KCND2: variants seen among roughly 807,000 people sequenced by gnomAD.
KCND2 encodes the protein A-type voltage-gated potassium channel KCND2.
In KCND2, 16 loss-of-function variants were observed where a neutral mutation model predicts 54.4. The observed-to-expected ratio is 0.29, with a 90% confidence interval of 0.20 to 0.45. The LOEUF (loss-of-function observed/expected upper bound fraction) is 0.45. KCND2 is among the 20% of genes least tolerant of loss of function. KCND2 has a pLI of 1.00. For missense variants in KCND2, 486 were observed against 824.2 expected (o/e 0.59, Z 5.02); for synonymous variants, 317 against 310.7 (o/e 1.02, Z -0.21).
At chr7:120,314,841 T>TA (rs1387132886) in intron 1 of KCND2, among the ~76,000 whole-genome samples, 1 of 152,184 alleles carries the variant, frequency 6.6e-6, no homozygotes, top group Non-Finnish European at 1.5e-5. Context: ...AAATGTTATT[T>TA]AAAAAAATTT....
chr7:120,279,465 G>A (rs943224337), intron 1 of KCND2, among the ~76,000 whole-genome samples: 1 of 151,882 alleles, frequency 6.6e-6, no homozygotes, highest in Admixed American at 6.6e-5. Context: ...TTCAATATGG[G>A]AAAGTTGCTA....
intron 1 of KCND2, among the ~76,000 whole-genome samples, chr7:120,694,700 C>G (rs925549061): frequency 4.6e-5 from 7 of 151,978 alleles, no homozygotes; most frequent in African/African-American, 1.7e-4. Context: ...AGGTGTTTGC[C>G]CTTGTGCTGT....
At chr7:120,704,621 G>A (rs762693092) in intron 1 of KCND2, among the ~76,000 whole-genome samples, 2 of 152,116 alleles carry the variant, frequency 1.3e-5, no homozygotes, top group African/African-American at 2.4e-5. Flanking sequence ...AAAGAAACAC[G>A]TAATAACAAG....
intron 1 of KCND2, among the ~76,000 whole-genome samples, chr7:120,390,651 A>C (rs1801059994): frequency 6.6e-6 from 1 of 152,036 alleles, no homozygotes; most frequent in Admixed American, 6.6e-5. Context: ...TAAGTAACAT[A>C]GCCCAAATAA....
intron 1 of KCND2, among the ~76,000 whole-genome samples, chr7:120,541,393 G>A (rs1367215833): frequency 6.9e-6 from 1 of 144,958 alleles, no homozygotes; most frequent in Non-Finnish European, 1.5e-5. Context: ...TAATGAAGGA[G>A]ATGAAATTTT....
chr7:120,599,245 T>A (rs570765112), intron 1 of KCND2, among the ~76,000 whole-genome samples: 79 of 152,240 alleles, frequency 5.2e-4, no homozygotes, highest in African/African-American at 1.8e-3. Flanking sequence ...GGTCTTGAAA[T>A]AAGATGAATT....
rs146902357 is a variant in KCND2 at position 120,562,683 on chromosome 7, G to T, written c.1116-170220G>T. On this transcript the variant is annotated intron_variant, in intron 1 of 5. Coordinates refer to ENST00000331113, the MANE Select transcript of KCND2 (RefSeq NM_012281.3). ...TCACAAACAAAAAAGTCTCTTAAGG[G>T]GAAATTATTTGCCAACATTTGAGAC... 3.6e-3 allele frequency among the ~76,000 whole-genome samples: 545 copies of T among 152,152 alleles called. 4 individuals carry two copies. The highest frequency in any genetic ancestry group is 0.013 in the African/African-American group (530 of 41,522).
chr7:120,572,803 G>A (rs186716999), intron 1 of KCND2, among the ~76,000 whole-genome samples: 6 of 152,268 alleles, frequency 3.9e-5, no homozygotes, highest in Admixed American at 3.3e-4. Flanking sequence ...AATTATAGGC[G>A]TGAGCCACAG....
intron 1 of KCND2, among the ~76,000 whole-genome samples, chr7:120,635,032 A>T (rs1793286965): frequency 6.6e-6 from 1 of 152,204 alleles, no homozygotes; most frequent in Non-Finnish European, 1.5e-5. Context: ...ACTAGTTGAC[A>T]TCATTTTCTT....
chr7:120,425,875 T>G (rs559496546), intron 1 of KCND2, among the ~76,000 whole-genome samples: 2 of 152,322 alleles, frequency 1.3e-5, no homozygotes, highest in Admixed American at 1.3e-4. Flanking sequence ...TGTTTTAATT[T>G]CCTCTTACAT....
At chr7:120,604,445 G>A (rs1338028704) in intron 1 of KCND2, among the ~76,000 whole-genome samples, 4 of 150,830 alleles carry the variant, frequency 2.7e-5, no homozygotes, top group African/African-American at 7.3e-5. Context: ...GGAGGTTGTA[G>A]TGAGCCGAGG....
At chr7:120,461,812 C>G (rs1802288130) in intron 1 of KCND2, among the ~76,000 whole-genome samples, 1 of 152,084 alleles carries the variant, frequency 6.6e-6, no homozygotes, top group Non-Finnish European at 1.5e-5. Context: ...AAATCATAAT[C>G]TTCCCACTCC....
chr7:120,389,350 T>C (rs1801039378), intron 1 of KCND2, among the ~76,000 whole-genome samples: 1 of 151,938 alleles, frequency 6.6e-6, no homozygotes, highest in Non-Finnish European at 1.5e-5. Context: ...TACATAGTTA[T>C]GTTGTATGTG....
chr7:120,733,184 C>A, intron 2 of KCND2, 119 bp downstream of exon 2: 1 of 931,718 alleles, frequency 1.1e-6, no homozygotes, highest in Non-Finnish European at 1.7e-6. Context: ...TCAATCAGGA[C>A]CGAGTAGGTT....
chr7:120,612,743 T>C lies in KCND2; in HGVS notation c.1116-120160T>C, dbSNP rs77046245. Among the ~76,000 whole-genome samples the C allele has an allele frequency of 6.2e-3, 940 of 152,358 alleles. 10 individuals are homozygous for C. Among genetic ancestry groups the C allele is most frequent in the African/African-American group, 0.021 (871 of 41,584 alleles). On this transcript the variant is annotated intron_variant, in intron 1 of 5. Transcript: ENST00000331113. Reference sequence around the variant, plus strand: ...TTCTTATTGTGAACTTAATGAATTTTTGTTATTAGTTCTTATAATGTTTTA... The same window carrying C: ...TTCTTATTGTGAACTTAATGAATTTCTGTTATTAGTTCTTATAATGTTTTA...
At chr7:120,505,919 A>G (rs1254227484) in intron 1 of KCND2, among the ~76,000 whole-genome samples, 1 of 151,850 alleles carries the variant, frequency 6.6e-6, no homozygotes, top group East Asian at 1.9e-4. Context: ...TGACATTCAA[A>G]TATATTTTAT....
intron 1 of KCND2, among the ~76,000 whole-genome samples, chr7:120,346,475 G>T (rs1312033963): frequency 6.6e-6 from 1 of 152,168 alleles, no homozygotes; most frequent in Non-Finnish European, 1.5e-5. Flanking sequence ...GCTCATTTTG[G>T]CAAGGATAAG....
intron 1 of KCND2, among the ~76,000 whole-genome samples, chr7:120,435,113 T>G (rs1801847819): frequency 6.6e-6 from 1 of 151,830 alleles, no homozygotes; most frequent in Non-Finnish European, 1.5e-5. Context: ...ATTTATTTAT[T>G]TATTTATTGA....
At chr7:120,717,040 A>G (rs1792611832) in intron 1 of KCND2, among the ~76,000 whole-genome samples, 1 of 152,160 alleles carries the variant, frequency 6.6e-6, no homozygotes, top group African/African-American at 2.4e-5. Context: ...ATGTTGTAGC[A>G]AACATGGTTT....
Sources: allele counts gnomAD v4.1 joint callset (sites outside exome capture counted in the v4.1 genomes callset), GRCh38; gene constraint gnomAD v4.1.1; transcripts MANE v1.5; gene names NCBI Gene and HGNC (gene_info 2026-07-23, HGNC 2026-07-21).